The following LRRD1 variants were observed in gnomAD, a reference collection of about 807,000 sequenced individuals.
LRRD1 encodes leucine rich repeats and death domain containing 1, also known as leucine-rich repeat and death domain-containing protein 1.
A neutral mutation model predicts 69.5 loss-of-function variants in LRRD1; 49 were observed. The ratio of observed to expected loss-of-function variants is 0.70; its 90% confidence interval spans 0.56 to 0.89. LRRD1 has a LOEUF of 0.89. Among genes scored for constraint, LRRD1 ranks in the 40% least tolerant of loss-of-function variants. The probability of loss-of-function intolerance (pLI) is 0.00; values close to 1 mark genes in which losing one functional copy is unlikely to be tolerated. For synonymous variants in LRRD1, 303 were observed against 338.9 expected, an observed-to-expected ratio of 0.89 and a Z score of 1.16; for missense variants, 853 against 956.0, an observed-to-expected ratio of 0.89 and a Z score of 1.42.
chr7:92,168,991 T>C (rs911453035), intron 1 of LRRD1, among the ~76,000 whole-genome samples: 1 of 152,210 alleles, frequency 6.6e-6, no homozygotes, highest in African/African-American at 2.4e-5. Context: ...CTATCCTGGC[T>C]CACTGCAACC....
At chr7:92,151,888 G>T (rs954347021) in intron 3 of LRRD1, among the ~76,000 whole-genome samples, 8 of 151,318 alleles carry the variant, frequency 5.3e-5, no homozygotes, top group African/African-American at 1.9e-4. Context: ...GGCAGAGGTT[G>T]CAGGGAGCCG....
chr7:92,162,329 G>A (rs1034860824), intron 2 of LRRD1, among the ~76,000 whole-genome samples: 2 of 152,246 alleles, frequency 1.3e-5, no homozygotes, highest in East Asian at 3.9e-4. Flanking sequence ...AGAACCCAGT[G>A]CTTCTTAAAG....
At chr7:92,176,563 TCA>T (rs1245136237) in intron 1 of LRRD1, among the ~76,000 whole-genome samples, 4 of 118,280 alleles carry the variant, frequency 3.4e-5, no homozygotes, top group Non-Finnish European at 5.1e-5. Flanking sequence ...AGAGATTCTC[TCA>T]TTTTTTTTTT....
intron 4 of LRRD1, among the ~76,000 whole-genome samples, chr7:92,148,181 T>G (rs1208000335): frequency 1.3e-5 from 2 of 152,104 alleles, no homozygotes; most frequent in Non-Finnish European, 2.9e-5. Flanking sequence ...CCTCAAGTTA[T>G]CTGCCCACCT....
At chr7:92,163,145 G>A (rs986408739) in intron 2 of LRRD1, 141 bp downstream of exon 2, 5 of 451,284 alleles carry the variant, frequency 1.1e-5, no homozygotes, top group Admixed American at 8.4e-5. Flanking sequence ...TGGCGGGGAC[G>A]GGGAGGGCTT....
intron 2 of LRRD1, among the ~76,000 whole-genome samples, chr7:92,161,429 T>C (rs940776089): frequency 6.6e-6 from 1 of 152,240 alleles, no homozygotes; most frequent in African/African-American, 2.4e-5. Context: ...AGACAACAGA[T>C]ACGCAATTTG....
intron 2 of LRRD1, among the ~76,000 whole-genome samples, chr7:92,161,099 A>G (rs1788787245): frequency 6.6e-6 from 1 of 152,206 alleles, no homozygotes; most frequent in Admixed American, 6.5e-5. Context: ...CTCAACATTT[A>G]CTAGAGGTGG....
At position 92,169,062 on chromosome 7, in the gene LRRD1, G is replaced by A. The variant is rs1788989524; in HGVS notation, c.-74-3786C>T. Among the ~76,000 whole-genome samples, 5 of 152,236 alleles carry A rather than the reference G, an allele frequency of 3.3e-5. No individual in the cohort carries two copies. The South Asian group carries it at 1.0e-3, about 32-fold the overall frequency. Reference sequence around the variant, plus strand: ...GTTTCCCAAGTAGCTGGGATTACAGGCATGCACCACCATATCTAGCTAATT... The same window carrying A: ...GTTTCCCAAGTAGCTGGGATTACAGACATGCACCACCATATCTAGCTAATT... On this transcript the variant is annotated intron_variant, in intron 1 of 5. Transcript: ENST00000458448.
intron 5 of LRRD1, among the ~76,000 whole-genome samples, chr7:92,145,326 T>G (rs1820291095): frequency 6.6e-6 from 1 of 152,116 alleles, no homozygotes; most frequent in Non-Finnish European, 1.5e-5. Flanking sequence ...GCCCATCCCT[T>G]GTACCCTTAT....
At chr7:92,160,671 G>A (rs1788777312) in intron 2 of LRRD1, among the ~76,000 whole-genome samples, 1 of 152,136 alleles carries the variant, frequency 6.6e-6, no homozygotes, top group Non-Finnish European at 1.5e-5. Context: ...AAATTAGCTG[G>A]ACGTGGAGGT....
chr7:92,168,705 A>G (rs1481526872), intron 1 of LRRD1, among the ~76,000 whole-genome samples: 1 of 152,196 alleles, frequency 6.6e-6, no homozygotes, highest in African/African-American at 2.4e-5. Context: ...ATTACAAAGA[A>G]TCTGTAAGCA....
In LRRD1 at chr7:92,150,627, C is replaced by T. The variant is rs2130986813; in HGVS notation, c.2185G>A (p.Asp729Asn). Residue 729 changes from aspartate (D) to asparagine (N), a missense_variant, in exon 4 of 6, where the codon GAC (aspartate) becomes AAC (asparagine). Physicochemically the swap from Asp to Asn is conservative, Grantham distance 23. Around this residue, in one of 3 missense-constraint regions of LRRD1, gnomAD observed 739 missense variants for 808.0 expected, o/e 0.91. Coordinates refer to ENST00000458448, the MANE Select transcript of LRRD1 (RefSeq NM_001161528.2). Reference sequence around the variant, plus strand: ...ACTGGAGGTCTCAGCAAAGGGTTGTCATCAAAATTTATCTCCTTCAGTGAA... The same window carrying T: ...ACTGGAGGTCTCAGCAAAGGGTTGTTATCAAAATTTATCTCCTTCAGTGAA... Reference protein sequence around the residue: ...IFSLKEINFDDNPLLRPPVEI... With the variant: ...IFSLKEINFDNNPLLRPPVEI... The T allele has an allele frequency of 1.3e-6, 2 of 1,551,168 alleles. No individual in the cohort carries two copies. The highest frequency in any genetic ancestry group is 2.4e-5 in the South Asian group (2 of 84,038).
At chr7:92,142,581 C>T, downstream of LRRD1, 1 of 454,236 alleles carries the variant, frequency 2.2e-6, no homozygotes, top group Admixed American at 2.4e-5. Context: ...TCACTGACTT[C>T]AAGTATGAAG....
chr7:92,170,100 G>A (rs567111193), intron 1 of LRRD1, among the ~76,000 whole-genome samples: 3 of 148,768 alleles, frequency 2.0e-5, no homozygotes, highest in East Asian at 3.9e-4. Flanking sequence ...AATAAAGAAA[G>A]AGAGAGAGAG....
chr7:92,151,937 G>A (rs1308688802), intron 3 of LRRD1, among the ~76,000 whole-genome samples: 2 of 148,704 alleles, frequency 1.3e-5, no homozygotes, highest in Non-Finnish European at 3.0e-5. Flanking sequence ...AGACAAGAGC[G>A]GAACTCCATC....
intron 3 of LRRD1, among the ~76,000 whole-genome samples, chr7:92,153,831 AT>A (rs1018077773): frequency 1.3e-5 from 2 of 152,022 alleles, no homozygotes; most frequent in African/African-American, 4.8e-5. Flanking sequence ...TAAAAAAAAA[AT>A]AAAAATAAAA....
At chr7:92,162,478 T>A (rs910732796) in intron 2 of LRRD1, among the ~76,000 whole-genome samples, 2 of 152,174 alleles carry the variant, frequency 1.3e-5, no homozygotes, top group Non-Finnish European at 2.9e-5. Flanking sequence ...TACTAAGATC[T>A]TCATATAAAT....
chr7:92,143,977 CACG>C (rs1213439257), downstream of LRRD1, among the ~76,000 whole-genome samples: 1 of 152,314 alleles, frequency 6.6e-6, no homozygotes, highest in South Asian at 2.1e-4. Flanking sequence ...AAGAGACTTA[CACG>C]ACAAGGTCAG....
intron 1 of LRRD1, among the ~76,000 whole-genome samples, chr7:92,178,372 A>G (rs1789241380): frequency 6.6e-6 from 1 of 151,838 alleles, no homozygotes; most frequent in Admixed American, 6.6e-5. Context: ...AGCATTAAGA[A>G]TCTCACTTAA....
Sources: allele counts gnomAD v4.1 joint callset (sites outside exome capture counted in the v4.1 genomes callset), GRCh38; gene constraint gnomAD v4.1.1; regional missense constraint gnomAD v4.1.1; transcripts MANE v1.5; gene names NCBI Gene and HGNC (gene_info 2026-07-23, HGNC 2026-07-21).